Variants in RLIG1 observed in about 807,000 individuals in gnomAD.
RLIG1 encodes RNA 5'-phosphate and 3'-OH ligase 1, also known as RNA ligase 1.
At chr12:88,037,743 A>G in the RLIG1 span, among the ~76,000 whole-genome samples, 1 of 152,240 alleles carries the variant, frequency 6.6e-6, no homozygotes, top group African/African-American at 2.4e-5. Flanking sequence ...GCAATAGTGC[A>G]TAAGTCTTAA....
At chr12:88,045,857 A>G in the RLIG1 span, 1 of 1,105,940 alleles carries the variant, frequency 9.0e-7, no homozygotes, top group East Asian at 2.4e-5. Context: ...CTTAAAAAAC[A>G]TACACACACT....
the RLIG1 span, chr12:88,046,692 A>C: frequency 1.0e-6 from 1 of 973,724 alleles, no homozygotes; most frequent in African/African-American, 1.6e-5. Context: ...GAAACCAACC[A>C]GCCTTTCTAC....
the RLIG1 span, chr12:88,046,960 A>T: frequency 6.2e-7 from 1 of 1,607,978 alleles, no homozygotes; most frequent in South Asian, 1.1e-5. Context: ...CATTGCAGTG[A>T]TGGCTGTTTA....
At chr12:88,042,944 T>G in the RLIG1 span, 4 of 1,411,860 alleles carry the variant, frequency 2.8e-6, no homozygotes, top group Non-Finnish European at 3.8e-6. Flanking sequence ...TAACTTTTCA[T>G]GTTTAAATAG....
At chr12:88,047,078 T>C in the RLIG1 span, 5 of 1,189,150 alleles carry the variant, frequency 4.2e-6, no homozygotes, top group South Asian at 1.6e-5. Flanking sequence ...GCAATTCTTA[T>C]TTGCAGTAAA....
chr12:88,036,039 C>A, the RLIG1 span: 1 of 1,442,370 alleles, frequency 6.9e-7, no homozygotes, highest in Non-Finnish European at 9.2e-7. Flanking sequence ...CCTTCCTTTT[C>A]AGGTCAGCAC....
the RLIG1 span, chr12:88,043,679 G>A: frequency 1.2e-6 from 2 of 1,612,616 alleles, no homozygotes; most frequent in East Asian, 2.2e-5. Context: ...ACAAATAAAT[G>A]GGAACCCAGT....
the RLIG1 span, among the ~76,000 whole-genome samples, chr12:88,041,526 C>G: frequency 6.6e-6 from 1 of 152,124 alleles, no homozygotes; most frequent in South Asian, 2.1e-4. Flanking sequence ...AGACATTTAC[C>G]TTTCTACCAA....
At chr12:88,043,774 CCATT>C in the RLIG1 span, 1 of 1,168,212 alleles carries the variant, frequency 8.6e-7, no homozygotes, top group Non-Finnish European at 1.2e-6. Context: ...ATCAAAATAT[CCATT>C]CAATCAGAAA....
the RLIG1 span, chr12:88,040,186 G>A: frequency 6.2e-7 from 1 of 1,610,492 alleles, no homozygotes; most frequent in Non-Finnish European, 8.5e-7. Flanking sequence ...TAAGTCACAA[G>A]GCATTAGATG....
the RLIG1 span, among the ~76,000 whole-genome samples, chr12:88,038,485 G>C: frequency 6.6e-6 from 1 of 152,126 alleles, no homozygotes; most frequent in South Asian, 2.1e-4. Flanking sequence ...TCAAAGTGAA[G>C]CCTAACTCAA....
chr12:88,036,125 G>C, the RLIG1 span: 35 of 1,294,100 alleles, frequency 2.7e-5, no homozygotes, highest in Non-Finnish European at 3.5e-5. Flanking sequence ...AGTAAGAAAG[G>C]GTGGATATTA....
chr12:88,038,516 T>C, the RLIG1 span, among the ~76,000 whole-genome samples: 1 of 152,208 alleles, frequency 6.6e-6, no homozygotes, highest in Non-Finnish European at 1.5e-5. Flanking sequence ...ATTTGTTTTA[T>C]AGAGGCAATT....
chr12:88,038,979 TAAAG>T, the RLIG1 span, among the ~76,000 whole-genome samples: 2 of 152,132 alleles, frequency 1.3e-5, no homozygotes, highest in East Asian at 1.9e-4. Context: ...TTTTGGCTCT[TAAAG>T]AAACTTCTTG....
the RLIG1 span, chr12:88,048,683 G>T: frequency 3.9e-6 from 1 of 255,668 alleles, no homozygotes; most frequent in East Asian, 8.6e-5. Context: ...CTATAACTGA[G>T]TGGTAATTTA....
the RLIG1 span, chr12:88,046,832 A>C: frequency 6.2e-7 from 1 of 1,611,478 alleles, no homozygotes; most frequent in Non-Finnish European, 8.5e-7. Flanking sequence ...AACATCCATT[A>C]CATCTTCTTA....
the RLIG1 span, among the ~76,000 whole-genome samples, chr12:88,038,903 T>C: frequency 6.6e-6 from 1 of 152,220 alleles, no homozygotes; most frequent in Non-Finnish European, 1.5e-5. Flanking sequence ...GTGCTTATAA[T>C]AGCACTTGTT....
the RLIG1 span, chr12:88,048,927 A>ACTT: frequency 7.2e-6 from 2 of 276,168 alleles, no homozygotes; most frequent in East Asian, 1.4e-4. Context: ...TCTTTAAAAA[A>ACTT]CTTAAAGCAT....
At chr12:88,043,810 C>G in the RLIG1 span, 3 of 858,488 alleles carry the variant, frequency 3.5e-6, no homozygotes, top group South Asian at 4.6e-5. Flanking sequence ...TAATCTGGGT[C>G]TTCATTAATA....
Sources: gnomAD v4.1 joint callset for allele counts (sites outside exome capture counted in the v4.1 genomes callset) on GRCh38, gnomAD v4.1.1 for gene constraint, MANE v1.5 for transcripts, NCBI Gene and HGNC (gene_info 2026-07-23, HGNC 2026-07-21) for gene names.